Variants in SPAG16 observed in about 807,000 individuals in gnomAD.
SPAG16 encodes the protein sperm associated antigen 16.
SPAG16 carries 86 observed loss-of-function variants against 80.4 expected under a neutral mutation model. The observed-to-expected ratio is 1.07, with a 90% confidence interval of 0.90 to 1.28. SPAG16 has a LOEUF of 1.28. SPAG16 is among the 50% of genes most tolerant of loss of function. The pLI is 0.00. For synonymous variants in SPAG16, 294 were observed against 265.9 expected (o/e 1.11, Z -1.03); for missense variants, 870 against 765.3 (o/e 1.14, Z -1.61).
chr2:214,296,194 C>T (rs928617923), intron 15 of SPAG16, among the ~76,000 whole-genome samples: 1 of 152,118 alleles, frequency 6.6e-6, no homozygotes, highest in African/African-American at 2.4e-5. Context: ...AGAATAATGG[C>T]CCCCAACTTT....
At chr2:213,357,586 T>C (rs1394562170) in intron 7 of SPAG16, among the ~76,000 whole-genome samples, 2 of 152,180 alleles carry the variant, frequency 1.3e-5, no homozygotes, top group African/African-American at 4.8e-5. Context: ...AACCCCTGCT[T>C]TTTTTTGCTT....
chr2:213,558,153 AC>A (rs1368858028), intron 10 of SPAG16, among the ~76,000 whole-genome samples: 1 of 152,132 alleles, frequency 6.6e-6, no homozygotes, highest in African/African-American at 2.4e-5. Context: ...ATGAATGTAA[AC>A]ATATTAGGAC....
intron 9 of SPAG16, among the ~76,000 whole-genome samples, chr2:213,388,208 G>T (rs1229434873): frequency 6.6e-6 from 1 of 152,198 alleles, no homozygotes; most frequent in Non-Finnish European, 1.5e-5. Context: ...ATCCTGTCCT[G>T]CAAATATCAG....
intron 15 of SPAG16, among the ~76,000 whole-genome samples, chr2:214,307,138 T>C (rs1694973024): frequency 6.6e-6 from 1 of 152,222 alleles, no homozygotes; most frequent in Non-Finnish European, 1.5e-5. Flanking sequence ...CAGGAATTTA[T>C]CCATTTCTTC....
At chr2:213,626,541 A>C (rs2061965590) in intron 10 of SPAG16, among the ~76,000 whole-genome samples, 1 of 152,020 alleles carries the variant, frequency 6.6e-6, no homozygotes. Context: ...ACAAATTTAA[A>C]TTTAGACAGT....
At chr2:213,459,047 T>C (rs906413482) in intron 9 of SPAG16, among the ~76,000 whole-genome samples, 1 of 152,192 alleles carries the variant, frequency 6.6e-6, no homozygotes, top group Non-Finnish European at 1.5e-5. Flanking sequence ...GAGTCCAATT[T>C]ACATTTTTGA....
chr2:214,340,780 C>T (rs1262583250), intron 15 of SPAG16, among the ~76,000 whole-genome samples: 1 of 152,140 alleles, frequency 6.6e-6, no homozygotes, highest in South Asian at 2.1e-4. Context: ...TTAGGTCAGG[C>T]CCACCTGGAT....
intron 10 of SPAG16, among the ~76,000 whole-genome samples, chr2:213,728,202 A>T (rs540735284): frequency 1.3e-5 from 2 of 152,174 alleles, no homozygotes; most frequent in South Asian, 4.1e-4. Flanking sequence ...TTTTTCTCTT[A>T]TTTATATACC....
intron 7 of SPAG16, among the ~76,000 whole-genome samples, chr2:213,360,861 G>T (rs894058533): frequency 6.6e-6 from 1 of 152,088 alleles, no homozygotes; most frequent in South Asian, 2.1e-4. Flanking sequence ...ATGCAGTTAC[G>T]CTTTGAGAAT....
intron 11 of SPAG16, among the ~76,000 whole-genome samples, chr2:213,897,026 G>T (rs6717969): frequency 0.24 from 36,200 of 151,958 alleles, 4,926 homozygotes; most frequent in South Asian, 0.36. Flanking sequence ...TGACTATATT[G>T]TACAACAATC....
intron 15 of SPAG16, among the ~76,000 whole-genome samples, chr2:214,250,923 A>G (rs1690246873): frequency 6.6e-6 from 1 of 151,308 alleles, no homozygotes; most frequent in Non-Finnish European, 1.5e-5. Flanking sequence ...TTATAATGTC[A>G]GAAAAATATG....
At chr2:214,092,521 AT>A (rs1304125494) in intron 13 of SPAG16, among the ~76,000 whole-genome samples, 1 of 149,368 alleles carries the variant, frequency 6.7e-6, no homozygotes, top group African/African-American at 2.5e-5. Context: ...ATATATATAT[AT>A]GGCCCTTTAT....
intron 9 of SPAG16, among the ~76,000 whole-genome samples, chr2:213,382,596 A>G (rs1422736362): frequency 1.3e-5 from 2 of 152,328 alleles, no homozygotes; most frequent in Non-Finnish European, 2.9e-5. Flanking sequence ...TTGGGGTCCA[A>G]ACATCATTTA....
At chr2:213,601,030 A>T (rs1490859842) in intron 10 of SPAG16, among the ~76,000 whole-genome samples, 2 of 152,192 alleles carry the variant, frequency 1.3e-5, no homozygotes, top group African/African-American at 4.8e-5. Flanking sequence ...AGTGTGGATG[A>T]TTTTAAGCAA....
intron 7 of SPAG16, among the ~76,000 whole-genome samples, chr2:213,354,082 G>A (rs1412339364): frequency 1.3e-5 from 2 of 152,134 alleles, no homozygotes; most frequent in African/African-American, 4.8e-5. Context: ...TCCCTGCCCT[G>A]TGTCCATGTG....
chr2:213,728,091 T>C (rs7588685), intron 10 of SPAG16, among the ~76,000 whole-genome samples: 141,372 of 152,168 alleles, frequency 0.93, 66,587 homozygotes, highest in East Asian at 1. Flanking sequence ...TCAGGTGATC[T>C]GCCTGCCTCG....
In SPAG16 at chr2:214,058,578, A is replaced by G. The variant is rs548979693; in HGVS notation, c.1527+44501A>G. ...ACCAAAATGTGACACAGAGACAAAA[A>G]GTGAGCACATGCAGACGGCAAAATA... On this transcript the variant is annotated intron_variant, in intron 13 of 15. Transcript: ENST00000331683. Among the ~76,000 whole-genome samples the G allele has an allele frequency of 1.2e-4, 19 of 152,298 alleles. 1 individual carries two copies. In the Middle Eastern group the frequency reaches 0.01, roughly 82 times the overall value.
At chr2:213,550,932 T>A (rs1485094881) in intron 10 of SPAG16, among the ~76,000 whole-genome samples, 3 of 146,474 alleles carry the variant, frequency 2.0e-5, no homozygotes, top group East Asian at 3.8e-4. Context: ...TAAATCAAAG[T>A]TTTTTTTACT....
intron 15 of SPAG16, among the ~76,000 whole-genome samples, chr2:214,290,826 T>A (rs1693741304): frequency 6.6e-6 from 1 of 152,234 alleles, no homozygotes; most frequent in Non-Finnish European, 1.5e-5. Flanking sequence ...GAATGTTCCA[T>A]TTGCTGATGA....
Sources: gnomAD v4.1 joint callset for allele counts (sites outside exome capture counted in the v4.1 genomes callset) on GRCh38, gnomAD v4.1.1 for gene constraint, MANE v1.5 for transcripts, NCBI Gene and HGNC (gene_info 2026-07-23, HGNC 2026-07-21) for gene names.